The following NLGN1 variants were observed in gnomAD, a reference collection of about 807,000 sequenced individuals.
NLGN1 encodes the protein neuroligin 1, also known as neuroligin-1.
NLGN1 carries 12 observed loss-of-function variants against 65.5 expected under a neutral mutation model. That is an observed-to-expected ratio of 0.18 (90% CI 0.12 to 0.30). The LOEUF is 0.30. Among genes scored for constraint, NLGN1 ranks in the 10% least tolerant of loss-of-function variants. The probability of loss-of-function intolerance (pLI) is 1.00; values close to 1 mark genes in which losing one functional copy is unlikely to be tolerated. For synonymous variants in NLGN1, 350 were observed against 359.5 expected, an observed-to-expected ratio of 0.97 and a Z score of 0.30; for missense variants, 750 against 1,007.1, an observed-to-expected ratio of 0.74 and a Z score of 3.46.
At chr3:173,499,689 A>G (rs1302908181) in intron 2 of NLGN1, among the ~76,000 whole-genome samples, 1 of 151,932 alleles carries the variant, frequency 6.6e-6, no homozygotes, top group Non-Finnish European at 1.5e-5. Flanking sequence ...ACCCATGAGC[A>G]TGGGATGTTC....
intron 3 of NLGN1, among the ~76,000 whole-genome samples, chr3:173,619,843 T>C (rs1049783011): frequency 6.6e-6 from 1 of 152,136 alleles, no homozygotes; most frequent in Non-Finnish European, 1.5e-5. Flanking sequence ...CTATCTTGGA[T>C]GGGAGCTGGA....
At chr3:174,064,275 T>C (rs1738027207) in intron 4 of NLGN1, among the ~76,000 whole-genome samples, 1 of 152,152 alleles carries the variant, frequency 6.6e-6, no homozygotes, top group African/African-American at 2.4e-5. Flanking sequence ...AGTGATGGAA[T>C]TTAGTGTAAA....
intron 3 of NLGN1, among the ~76,000 whole-genome samples, chr3:173,702,790 GA>G (rs1578032761): frequency 1.3e-5 from 2 of 151,926 alleles, no homozygotes; most frequent in East Asian, 1.9e-4. Flanking sequence ...CAGTTAGGAG[GA>G]AAAAAAGACT....
At chr3:173,694,437 A>G (rs1765905876) in intron 3 of NLGN1, among the ~76,000 whole-genome samples, 1 of 152,182 alleles carries the variant, frequency 6.6e-6, no homozygotes. Context: ...ATTGGGACCT[A>G]CTGACGTGTA....
intron 1 of NLGN1, among the ~76,000 whole-genome samples, chr3:173,418,968 A>T (rs1714372999): frequency 2.0e-5 from 2 of 101,072 alleles, no homozygotes; most frequent in South Asian, 3.5e-4. Context: ...TTAAAATATG[A>T]TGATTTTTTT....
chr3:174,142,136 T>C lies in NLGN1; in HGVS notation c.647-133179T>C, dbSNP rs534225456. Among the ~76,000 whole-genome samples, 5 of 152,298 alleles carry C rather than the reference T, an allele frequency of 3.3e-5. No individual in the cohort carries two copies. The South Asian group carries it at 6.2e-4, about 19-fold the overall frequency. On this transcript the variant is annotated intron_variant, in intron 4 of 6. Transcript: ENST00000457714. ...CCACATATACCTGTACCTAAATATA[T>C]AGTATCATTTTGTATGTTTAATATA...
intron 4 of NLGN1, among the ~76,000 whole-genome samples, chr3:173,900,414 G>A (rs931022639): frequency 6.6e-6 from 1 of 151,918 alleles, no homozygotes; most frequent in African/African-American, 2.4e-5. Flanking sequence ...ACTAACCAGA[G>A]GAAAAGAAAG....
At chr3:173,474,381 T>C (rs970190854) in intron 2 of NLGN1, among the ~76,000 whole-genome samples, 2 of 152,176 alleles carry the variant, frequency 1.3e-5, no homozygotes, top group African/African-American at 2.4e-5. Context: ...TGTGAAGCGT[T>C]GCATCTTCCT....
At chr3:174,117,275 G>A (rs1031693216) in intron 4 of NLGN1, among the ~76,000 whole-genome samples, 1 of 151,390 alleles carries the variant, frequency 6.6e-6, no homozygotes, top group Admixed American at 6.6e-5. Flanking sequence ...GTAGATCAAT[G>A]TTTCTTGAGT....
intron 4 of NLGN1, among the ~76,000 whole-genome samples, chr3:173,832,957 A>G (rs1193122647): frequency 2.0e-5 from 3 of 152,166 alleles, no homozygotes; most frequent in Non-Finnish European, 4.4e-5. Context: ...GAAACTTTCT[A>G]TTTCACTACG....
At chr3:173,627,377 G>A (rs1018693617) in intron 3 of NLGN1, among the ~76,000 whole-genome samples, 4 of 151,856 alleles carry the variant, frequency 2.6e-5, no homozygotes, top group African/African-American at 7.3e-5. Flanking sequence ...TGGAAATGAC[G>A]GAATTTCCTT....
intron 4 of NLGN1, among the ~76,000 whole-genome samples, chr3:174,252,168 C>T (rs983546576): frequency 6.6e-6 from 1 of 152,042 alleles, no homozygotes; most frequent in Non-Finnish European, 1.5e-5. Context: ...AAACAGGCCT[C>T]ACATATTCAT....
intron 1 of NLGN1, among the ~76,000 whole-genome samples, chr3:173,419,008 T>TTTC (rs1302517222): frequency 6.9e-4 from 95 of 136,884 alleles, no homozygotes; most frequent in Middle Eastern, 3.5e-3. Context: ...GTTCTTTAGC[T>TTTC]TTCTTCTTCT....
At position 173,590,716 on chromosome 3, in the gene NLGN1, A is replaced by G. The variant is rs1441915654; in HGVS notation, c.-320-13563A>G. Among the ~76,000 whole-genome samples the G allele has an allele frequency of 2.6e-5, 4 of 152,288 alleles. No individual in the cohort carries two copies. In the South Asian group the frequency reaches 8.3e-4, roughly 32 times the overall value. ...ATTTTTGCTTTTTAAAAAATGTATAATCAGTAGTTATTTGAATTGACAAAT... is the reference window on the plus strand; with the variant it reads ...ATTTTTGCTTTTTAAAAAATGTATAGTCAGTAGTTATTTGAATTGACAAAT... On this transcript the variant is annotated intron_variant, in intron 2 of 6. Transcript: ENST00000457714.
At chr3:174,072,949 T>C (rs909988103) in intron 4 of NLGN1, among the ~76,000 whole-genome samples, 2 of 152,196 alleles carry the variant, frequency 1.3e-5, no homozygotes, top group Non-Finnish European at 2.9e-5. Context: ...ATGTAAATAG[T>C]ATCATATTTT....
intron 4 of NLGN1, among the ~76,000 whole-genome samples, chr3:174,132,544 C>T (rs1434286105): frequency 6.6e-6 from 1 of 152,046 alleles, no homozygotes; most frequent in Non-Finnish European, 1.5e-5. Flanking sequence ...CTGTTTATAA[C>T]CTCCTGTAAA....
chr3:173,667,239 G>GCACACACACACACA (rs3032837), intron 3 of NLGN1, among the ~76,000 whole-genome samples: 6,942 of 147,376 alleles, frequency 0.047, 323 homozygotes, highest in African/African-American at 0.11. Flanking sequence ...ACACGCATAT[G>GCACACACACACACA]CACACACACA....
intron 2 of NLGN1, among the ~76,000 whole-genome samples, chr3:173,459,638 A>G (rs1348076964): frequency 1.3e-5 from 2 of 152,136 alleles, no homozygotes; most frequent in Non-Finnish European, 2.9e-5. Context: ...ATAATTTCTG[A>G]AATAATCTGA....
chr3:173,763,755 C>CA (rs1156398837), intron 3 of NLGN1, among the ~76,000 whole-genome samples: 1 of 147,476 alleles, frequency 6.8e-6, no homozygotes, highest in Non-Finnish European at 1.5e-5. Context: ...AAAGGGAACA[C>CA]AAAAAATGGA....
Sources: gnomAD v4.1 joint callset for allele counts (sites outside exome capture counted in the v4.1 genomes callset) on GRCh38, gnomAD v4.1.1 for gene constraint, MANE v1.5 for transcripts, NCBI Gene and HGNC (gene_info 2026-07-23, HGNC 2026-07-21) for gene names.